Variants in KCNQ3 observed in about 807,000 individuals in gnomAD.
KCNQ3 encodes potassium voltage-gated channel subfamily KQT member 3.
A neutral mutation model predicts 92.5 loss-of-function variants in KCNQ3; 30 were observed. The ratio of observed to expected loss-of-function variants is 0.32; its 90% CI spans 0.24 to 0.44. KCNQ3 has a LOEUF of 0.44. KCNQ3 is among the 20% of genes least tolerant of loss of function. The probability of loss-of-function intolerance (pLI) is 1.00; values close to 1 mark genes in which losing one functional copy is unlikely to be tolerated. For synonymous variants in KCNQ3, 450 were observed against 468.8 expected, an observed-to-expected ratio of 0.96 and a Z score of 0.52; for missense variants, 913 against 1,140.3, an observed-to-expected ratio of 0.80 and a Z score of 2.87.
At chr8:132,196,605 C>A (rs1317563057) in intron 1 of KCNQ3, among the ~76,000 whole-genome samples, 1 of 152,218 alleles carries the variant, frequency 6.6e-6, no homozygotes, top group Non-Finnish European at 1.5e-5. Flanking sequence ...CATCTCAGAT[C>A]TATTTCCAGT....
intron 1 of KCNQ3, among the ~76,000 whole-genome samples, chr8:132,309,763 C>A (rs934179230): frequency 6.6e-6 from 1 of 152,190 alleles, no homozygotes; most frequent in African/African-American, 2.4e-5. Context: ...CCTTTAATCA[C>A]AAAATCTTAC....
intron 1 of KCNQ3, among the ~76,000 whole-genome samples, chr8:132,259,138 C>T (rs6471049): frequency 0.57 from 86,817 of 151,738 alleles, 25,636 homozygotes; most frequent in East Asian, 0.77. Flanking sequence ...AAAAGAATAT[C>T]TCCCAACTCA....
chr8:132,127,248 T>C lies in KCNQ3; in HGVS notation c.*2014A>G, dbSNP rs1271464083. The C allele has an allele frequency of 1.3e-5, 2 of 152,340 alleles. No individual in the cohort carries two copies. Among genetic ancestry groups the C allele is most frequent in the East Asian group, 3.9e-4 (2 of 5,182 alleles). 9.4% of individuals were successfully genotyped at this position (152,340 alleles called of 1,614,324 possible). The stretch of plus-strand genomic sequence containing the variant: ...TTCATGTCTGATGCATTGAGCATTC[T>C]GGTATATTTCCCATCTCAGACTTCA... On this transcript the variant is annotated 3_prime_UTR_variant, in exon 15 of 15. Coordinates refer to ENST00000388996, the MANE Select transcript of KCNQ3 (RefSeq NM_004519.4).
At chr8:132,322,565 C>T (rs1817924405) in intron 1 of KCNQ3, among the ~76,000 whole-genome samples, 1 of 152,172 alleles carries the variant, frequency 6.6e-6, no homozygotes, top group South Asian at 2.1e-4. Flanking sequence ...GAGGTAGGTC[C>T]TACCTTTTAT....
chr8:132,284,886 G>A (rs1056296890), intron 1 of KCNQ3, among the ~76,000 whole-genome samples: 1 of 152,174 alleles, frequency 6.6e-6, no homozygotes, highest in Non-Finnish European at 1.5e-5. Flanking sequence ...ATGAGGGTGA[G>A]CATGCCTCTC....
At chr8:132,362,610 G>T (rs1819202553) in intron 1 of KCNQ3, among the ~76,000 whole-genome samples, 1 of 152,186 alleles carries the variant, frequency 6.6e-6, no homozygotes. Context: ...GCCTCAGAAG[G>T]CTCTGCTGAA....
chr8:132,171,857 A>G (rs1190381021), intron 7 of KCNQ3, among the ~76,000 whole-genome samples: 5 of 152,094 alleles, frequency 3.3e-5, no homozygotes, highest in Non-Finnish European at 5.9e-5. Flanking sequence ...CCAACACACC[A>G]TCAGTAAAAA....
At chr8:132,362,046 A>G (rs1201903371) in intron 1 of KCNQ3, among the ~76,000 whole-genome samples, 2 of 152,204 alleles carry the variant, frequency 1.3e-5, no homozygotes, top group Admixed American at 1.3e-4. Flanking sequence ...AGTATTTTGA[A>G]TTATAGGATG....
intron 1 of KCNQ3, among the ~76,000 whole-genome samples, chr8:132,339,256 A>AATCTATGTTGT (rs1461759878): frequency 9.2e-5 from 14 of 152,114 alleles, no homozygotes; most frequent in South Asian, 4.2e-4. Context: ...TAAAAATAAG[A>AATCTATGTTGT]ATCTATGTTG....
intron 9 of KCNQ3, among the ~76,000 whole-genome samples, chr8:132,143,615 A>G (rs1172726720): frequency 6.6e-6 from 1 of 152,212 alleles, no homozygotes; most frequent in African/African-American, 2.4e-5. Flanking sequence ...TGATGACCAT[A>G]AGCCCATGCT....
intron 1 of KCNQ3, among the ~76,000 whole-genome samples, chr8:132,195,295 T>C (rs151275296): frequency 6.6e-6 from 1 of 152,360 alleles, no homozygotes; most frequent in Non-Finnish European, 1.5e-5. Context: ...AATGATTCCA[T>C]CTCTTAATAC....
At chr8:132,232,954 A>G (rs1226563092) in intron 1 of KCNQ3, among the ~76,000 whole-genome samples, 1 of 152,234 alleles carries the variant, frequency 6.6e-6, no homozygotes, top group Non-Finnish European at 1.5e-5. Context: ...TGAGGCAACT[A>G]AGGTGAGAGG....
chr8:132,126,750 A>G lies in KCNQ3; in HGVS notation c.*2512T>C, dbSNP rs907682324. 2.0e-5 allele frequency: 3 copies of G among 152,098 alleles called. No individual in the cohort carries two copies. Among genetic ancestry groups the G allele is most frequent in the East Asian group, 1.9e-4 (1 of 5,182 alleles). 9.4% of individuals were successfully genotyped at this position (152,098 alleles called of 1,614,324 possible). On this transcript the variant is annotated 3_prime_UTR_variant, in exon 15 of 15. Transcript: ENST00000388996. ...TGCCTATGGTTTAGGAAATAATACAAGCTCCAATCCTTTCTAGGTTATTAA... is the reference window on the plus strand; with the variant it reads ...TGCCTATGGTTTAGGAAATAATACAGGCTCCAATCCTTTCTAGGTTATTAA...
At chr8:132,474,116 A>C (rs2130868891) in intron 1 of KCNQ3, among the ~76,000 whole-genome samples, 1 of 152,340 alleles carries the variant, frequency 6.6e-6, no homozygotes, top group Admixed American at 6.5e-5. Context: ...TGAAGCCAGC[A>C]TCTTTTCACT....
At chr8:132,187,991 C>T (rs1459702981) in intron 1 of KCNQ3, among the ~76,000 whole-genome samples, 5 of 152,072 alleles carry the variant, frequency 3.3e-5, no homozygotes, top group African/African-American at 1.2e-4. Flanking sequence ...GTTACTACAA[C>T]CTCCAAAGTT....
chr8:132,288,135 G>A lies in KCNQ3; in HGVS notation c.387-101954C>T, dbSNP rs139808097. ...TATGCATGACATCTTTCCATATTTTGTGTTACTCCTTTAGGATAGATTCTT... is the reference window on the plus strand; with the variant it reads ...TATGCATGACATCTTTCCATATTTTATGTTACTCCTTTAGGATAGATTCTT... On this transcript the variant is annotated intron_variant, in intron 1 of 14. Transcript: ENST00000388996. Among the ~76,000 whole-genome samples, 86 of 152,200 alleles carry A rather than the reference G, an allele frequency of 5.7e-4. 1 individual carries two copies. Among genetic ancestry groups the A allele is most frequent in the Middle Eastern group, 3.4e-3 (1 of 294 alleles).
At chr8:132,353,416 G>A (rs943650466) in intron 1 of KCNQ3, among the ~76,000 whole-genome samples, 8 of 152,122 alleles carry the variant, frequency 5.3e-5, no homozygotes, top group Admixed American at 3.9e-4. Flanking sequence ...ACATGGAAAC[G>A]GTCAAAACTG....
intron 1 of KCNQ3, among the ~76,000 whole-genome samples, chr8:132,189,107 G>A (rs1383865384): frequency 1.3e-5 from 2 of 152,144 alleles, no homozygotes; most frequent in Non-Finnish European, 2.9e-5. Flanking sequence ...CTGGTCGTAG[G>A]AATGACAGAA....
chr8:132,390,744 A>T (rs775602279), intron 1 of KCNQ3, among the ~76,000 whole-genome samples: 1 of 152,190 alleles, frequency 6.6e-6, no homozygotes, highest in Non-Finnish European at 1.5e-5. Context: ...TAAGAATTGC[A>T]AGTGCCAACA....
Sources: allele counts gnomAD v4.1 joint callset (sites outside exome capture counted in the v4.1 genomes callset), GRCh38; gene constraint gnomAD v4.1.1; transcripts MANE v1.5; gene names NCBI Gene and HGNC (gene_info 2026-07-23, HGNC 2026-07-21).